Variants in JAKMIP2 observed in about 807,000 individuals in gnomAD.
JAKMIP2 encodes janus kinase and microtubule interacting protein 2, also known as janus kinase and microtubule-interacting protein 2.
Under a neutral mutation model 115.0 loss-of-function variants are expected in JAKMIP2, and 25 were observed. The observed-to-expected ratio is 0.22, with a 90% confidence interval of 0.16 to 0.30. The LOEUF (loss-of-function observed/expected upper bound fraction) is 0.30. Ranked by LOEUF, JAKMIP2 falls within the 10% of genes least tolerant of loss-of-function variation. The pLI, the probability that JAKMIP2 is intolerant of heterozygous loss-of-function variation, is 1.00. For missense variants in JAKMIP2, 642 were observed against 957.6 expected (o/e 0.67, Z 4.35); for synonymous variants, 334 against 343.6 (o/e 0.97, Z 0.31).
At chr5:147,650,263 T>C in intron 4 of JAKMIP2, 75 bp downstream of exon 4, 1 of 919,130 alleles carries the variant, frequency 1.1e-6, no homozygotes, top group South Asian at 1.3e-5. Flanking sequence ...GAAAAGAGCT[T>C]AAGTAAAAGG....
chr5:147,687,852 G>A (rs73797146), intron 1 of JAKMIP2, among the ~76,000 whole-genome samples: 3,565 of 152,232 alleles, frequency 0.023, 150 homozygotes, highest in African/African-American at 0.082. Context: ...ACAAATTCAT[G>A]AAGTAGGTAT....
At chr5:147,721,180 C>T (rs1362947765) in intron 1 of JAKMIP2, among the ~76,000 whole-genome samples, 1 of 151,478 alleles carries the variant, frequency 6.6e-6, no homozygotes, top group Middle Eastern at 3.2e-3. Context: ...GAGTCAGGGA[C>T]CCACTTGAGG....
intron 1 of JAKMIP2, among the ~76,000 whole-genome samples, chr5:147,774,650 T>A (rs531595772): frequency 5.9e-4 from 90 of 152,198 alleles, no homozygotes; most frequent in African/African-American, 1.2e-3. Flanking sequence ...TATGAGTAGG[T>A]TAAGGGCCTT....
chr5:147,711,395 T>A (rs1752774632), intron 1 of JAKMIP2, among the ~76,000 whole-genome samples: 1 of 152,132 alleles, frequency 6.6e-6, no homozygotes, highest in Non-Finnish European at 1.5e-5. Flanking sequence ...ACCTCAGTAG[T>A]GAATTACAGG....
At chr5:147,612,706 G>A (rs553416975) in intron 19 of JAKMIP2, among the ~76,000 whole-genome samples, 1 of 152,280 alleles carries the variant, frequency 6.6e-6, no homozygotes, top group South Asian at 2.1e-4. Flanking sequence ...TTTGGCCTGT[G>A]GAATGCAAGT....
chr5:147,757,746 T>C (rs927555352), intron 1 of JAKMIP2, among the ~76,000 whole-genome samples: 1 of 152,130 alleles, frequency 6.6e-6, no homozygotes, highest in Admixed American at 6.6e-5. Context: ...TAATTGATGT[T>C]GGTAGCAATT....
At chr5:147,702,628 GAAA>G (rs1234948807) in intron 1 of JAKMIP2, among the ~76,000 whole-genome samples, 1 of 117,118 alleles carries the variant, frequency 8.5e-6, no homozygotes, top group Non-Finnish European at 1.7e-5. Context: ...AAGAAAGAAA[GAAA>G]GAAAGAAAGA....
intron 2 of JAKMIP2, among the ~76,000 whole-genome samples, chr5:147,669,697 G>A (rs1759483385): frequency 6.6e-6 from 1 of 152,162 alleles, no homozygotes. Context: ...TGATGTTGCT[G>A]CAGGGAGAGT....
chr5:147,640,644 C>T (rs1757838648), intron 9 of JAKMIP2, 60 bp downstream of exon 9: 2 of 1,568,378 alleles, frequency 1.3e-6, no homozygotes, highest in East Asian at 2.3e-5. Context: ...TTTTTCTTCC[C>T]CCTTAAATCA....
At chr5:147,653,242 G>A (rs1758497746) in intron 3 of JAKMIP2, among the ~76,000 whole-genome samples, 1 of 152,096 alleles carries the variant, frequency 6.6e-6, no homozygotes, top group South Asian at 2.1e-4. Context: ...GGATTGCTAG[G>A]TCAAAACGTA....
At chr5:147,710,751 C>A (rs1182129611) in intron 1 of JAKMIP2, among the ~76,000 whole-genome samples, 2 of 152,106 alleles carry the variant, frequency 1.3e-5, no homozygotes, top group Admixed American at 1.3e-4. Context: ...TCAAAATTCA[C>A]CAAGGCTCTG....
chr5:147,609,156 G>C (rs934940406), intron 20 of JAKMIP2, among the ~76,000 whole-genome samples: 1 of 152,066 alleles, frequency 6.6e-6, no homozygotes, highest in Non-Finnish European at 1.5e-5. Context: ...CTTTTAATTG[G>C]GGCATTTAGC....
At chr5:147,730,895 G>A (rs1452703982) in intron 1 of JAKMIP2, among the ~76,000 whole-genome samples, 1 of 152,112 alleles carries the variant, frequency 6.6e-6, no homozygotes, top group African/African-American at 2.4e-5. Flanking sequence ...TGCTCATGCT[G>A]TATTAGGAGG....
At chr5:147,639,282 C>A (rs917700050) in intron 10 of JAKMIP2, among the ~76,000 whole-genome samples, 4 of 152,182 alleles carry the variant, frequency 2.6e-5, no homozygotes, top group African/African-American at 7.2e-5. Context: ...AGAGAAGACA[C>A]TGGCTCACTA....
intron 1 of JAKMIP2, among the ~76,000 whole-genome samples, chr5:147,777,919 G>C (rs910387064): frequency 7.2e-5 from 11 of 152,106 alleles, no homozygotes; most frequent in African/African-American, 2.7e-4. Context: ...AAAAATGTAG[G>C]AGAATTTGTT....
intron 20 of JAKMIP2, among the ~76,000 whole-genome samples, chr5:147,610,917 A>G (rs1216184400): frequency 6.6e-6 from 1 of 152,222 alleles, no homozygotes; most frequent in Non-Finnish European, 1.5e-5. Flanking sequence ...GTCTGGCTAC[A>G]GCAGCTTTGT....
chr5:147,670,988 T>G (rs960152290), intron 2 of JAKMIP2, among the ~76,000 whole-genome samples: 1 of 152,036 alleles, frequency 6.6e-6, no homozygotes, highest in Admixed American at 6.6e-5. Flanking sequence ...TACCTGACAA[T>G]GGGGAAGTGT....
intron 1 of JAKMIP2, among the ~76,000 whole-genome samples, chr5:147,732,932 T>C (rs1342525422): frequency 6.6e-6 from 1 of 152,250 alleles, no homozygotes; most frequent in Non-Finnish European, 1.5e-5. Flanking sequence ...AGAATTCTTC[T>C]GTCTTCCTGG....
At chr5:147,764,292 A>G (rs891902270) in intron 1 of JAKMIP2, among the ~76,000 whole-genome samples, 1 of 152,062 alleles carries the variant, frequency 6.6e-6, no homozygotes, top group African/African-American at 2.4e-5. Context: ...AGAACATGTG[A>G]AACAAGGAGA....
Sources: allele counts gnomAD v4.1 joint callset (sites outside exome capture counted in the v4.1 genomes callset), GRCh38; gene constraint gnomAD v4.1.1; transcripts MANE v1.5; gene names NCBI Gene and HGNC (gene_info 2026-07-23, HGNC 2026-07-21).